The following RPS6KL1 variants were observed in gnomAD, a reference collection of about 807,000 sequenced individuals.
RPS6KL1 encodes the protein ribosomal protein S6 kinase like 1.
Under a neutral mutation model 57.0 loss-of-function variants are expected in RPS6KL1, and 41 were observed. That is an observed-to-expected ratio of 0.72 (90% CI 0.56 to 0.93). The LOEUF is 0.93. RPS6KL1 is among the 40% of genes least tolerant of loss of function. The pLI, the probability that RPS6KL1 is intolerant of heterozygous loss-of-function variation, is 0.00. For synonymous variants in RPS6KL1, 287 were observed against 309.7 expected, an observed-to-expected ratio of 0.93 and a Z score of 0.77; for missense variants, 697 against 727.7, an observed-to-expected ratio of 0.96 and a Z score of 0.49.
In RPS6KL1 at chr14:74,908,860, A is replaced by G; in HGVS notation, c.1433T>C (p.Leu478Pro). 6.2e-7 allele frequency: 1 copy of G among 1,614,144 alleles called. No homozygotes were observed. Among genetic ancestry groups the G allele is most frequent in the Middle Eastern group, 1.6e-4 (1 of 6,062 alleles). Residue 478 changes from leucine to proline, a missense_variant, in exon 10 of 12, where the codon CTG (leucine) becomes CCG (proline). Transcript: ENST00000557413. ...WSFGSLLYELLTGMALSQSHP... is the reference protein window; with the variant it reads ...WSFGSLLYELPTGMALSQSHP... ...AGCCCAGCCACTCACCATTCCCGTCAGCAGTTCATACAGTAGAGACCCAAA... is the reference window on the plus strand; with the variant it reads ...AGCCCAGCCACTCACCATTCCCGTCGGCAGTTCATACAGTAGAGACCCAAA...
Position 74,919,940 on chromosome 14 carries a change from C to T in RPS6KL1, c.295G>A (p.Val99Met), listed in dbSNP as rs1430465916. 2 of 1,614,218 alleles carry T rather than the reference C, an allele frequency of 1.2e-6. No individual in the cohort carries two copies. The highest frequency in any genetic ancestry group is 1.1e-5 in the South Asian group (1 of 91,088). Residue 99 changes from valine (V) to methionine (M), a missense_variant, in exon 4 of 12, where the codon GTG becomes ATG. Physicochemically the swap from Val to Met is conservative, Grantham distance 21. Coordinates refer to ENST00000557413, the MANE Select transcript of RPS6KL1 (RefSeq NM_031464.5). ...AGGTATTTGGTAATTTTCAGCTTCA[C>T]AGCCTCACGTCGCTCCTTGTTGGGG... Reference protein sequence around the residue: ...VDPNKERREAVKLKITKYLRR... With the variant: ...VDPNKERREAMKLKITKYLRR...
chr14:74,913,593 A>G (rs186011927), intron 5 of RPS6KL1, among the ~76,000 whole-genome samples: 116 of 152,272 alleles, frequency 7.6e-4, no homozygotes, highest in South Asian at 1.9e-3. Context: ...AAAAACCAAG[A>G]AAGCCCTTGG....
chr14:74,907,377 C>G, intron 11 of RPS6KL1, 58 bp downstream of exon 11: 1 of 1,534,298 alleles, frequency 6.5e-7, no homozygotes, highest in Non-Finnish European at 8.8e-7. Flanking sequence ...GTTCTGTGCC[C>G]CTCCCAGCAC....
chr14:74,910,463 G>A lies in RPS6KL1; in HGVS notation c.665-315C>T, dbSNP rs114533763. 4.9e-3 allele frequency: 1,184 copies of A among 239,474 alleles called. 17 individuals are homozygous for A. The highest frequency in any genetic ancestry group is 0.025 in the African/African-American group (1,118 of 44,588). 14.8% of individuals were successfully genotyped at this position (239,474 alleles called of 1,614,324 possible). Reference sequence around the variant, plus strand: ...TGTGAACACTGTTTTTAGGGAGACCGATATAAAGAAATTTAAAGAAAAGTC... The same window carrying A: ...TGTGAACACTGTTTTTAGGGAGACCAATATAAAGAAATTTAAAGAAAAGTC... On this transcript the variant is annotated intron_variant, in intron 7 of 11. Coordinates refer to ENST00000557413, the MANE Select transcript of RPS6KL1 (RefSeq NM_031464.5).
At chr14:74,914,331 A>G (rs1214821043) in intron 5 of RPS6KL1, among the ~76,000 whole-genome samples, 1 of 152,150 alleles carries the variant, frequency 6.6e-6, no homozygotes, top group Non-Finnish European at 1.5e-5. Flanking sequence ...ATAATTCCCC[A>G]CTGTCCCTTG....
chr14:74,923,130 G>A (rs11625594), intron 1 of RPS6KL1, 50 bp downstream of exon 1: 44,549 of 152,094 alleles, frequency 0.29, 7,868 homozygotes, highest in East Asian at 0.55. Flanking sequence ...GACGGCCGAG[G>A]GGGCCCCTCG....
At chr14:74,907,374 G>A (rs771607068) in intron 11 of RPS6KL1, 61 bp downstream of exon 11, 12 of 1,532,594 alleles carry the variant, frequency 7.8e-6, no homozygotes, top group African/African-American at 1.4e-5. Context: ...ACAGTTCTGT[G>A]CCCCTCCCAG....
chr14:74,913,146 G>A (rs1886303572), intron 5 of RPS6KL1, among the ~76,000 whole-genome samples: 1 of 152,378 alleles, frequency 6.6e-6, no homozygotes, highest in African/African-American at 2.4e-5. Context: ...ATCAGGGTAG[G>A]GGAAGGGGCA....
chr14:74,909,529 A>C lies in RPS6KL1; in HGVS notation c.1270+14T>G, dbSNP rs148616967. 0.015 allele frequency: 23,742 copies of C among 1,577,008 alleles called. 229 individuals carry two copies. Among genetic ancestry groups the C allele is most frequent in the Non-Finnish European group, 0.017 (20,152 of 1,160,790 alleles). ...TTGGGGGCCACCCCACTGAGGGGTG[A>C]GGAGGGCACCTACCTGCCTGGTCCA... On this transcript the variant is annotated intron_variant, in intron 8 of 11. Coordinates refer to ENST00000557413, the MANE Select transcript of RPS6KL1 (RefSeq NM_031464.5).
chr14:74,914,724 T>C (rs1886566057), intron 5 of RPS6KL1, among the ~76,000 whole-genome samples: 1 of 152,218 alleles, frequency 6.6e-6, no homozygotes, highest in African/African-American at 2.4e-5. Flanking sequence ...TATTATTTAT[T>C]TTTTTGAGAC....
At chr14:74,914,792 A>T (rs1886575194) in intron 5 of RPS6KL1, among the ~76,000 whole-genome samples, 1 of 152,192 alleles carries the variant, frequency 6.6e-6, no homozygotes, top group South Asian at 2.1e-4. Context: ...AGCTCACTGC[A>T]ATCTCTGCCT....
At chr14:74,910,367 TACAA>T in intron 7 of RPS6KL1, 5 of 431,152 alleles carry the variant, frequency 1.2e-5, no homozygotes, top group South Asian at 7.3e-5. Context: ...GGCCCAGCCT[TACAA>T]ACTGGCACAC....
intron 7 of RPS6KL1, chr14:74,910,889 T>TTTAGG: frequency 5.9e-6 from 1 of 168,316 alleles, no homozygotes; most frequent in Non-Finnish European, 1.3e-5. Context: ...TTTTTTTTTT[T>TTTAGG]GAGGCGGAGT....
intron 10 of RPS6KL1, 65 bp downstream of exon 10, chr14:74,908,785 T>A (rs1885355351): frequency 7.0e-7 from 1 of 1,424,360 alleles, no homozygotes; most frequent in Non-Finnish European, 9.9e-7. Flanking sequence ...CTGGATGGAC[T>A]AAGCCTGGCC....
chr14:74,921,777 CT>C (rs57626529), intron 2 of RPS6KL1, 200 bp downstream of exon 2: 31,586 of 822,154 alleles, frequency 0.038, 1 homozygote, highest in South Asian at 0.053. Flanking sequence ...GTTTTCTTTT[CT>C]TTTTTTTTTT....
At chr14:74,911,955 G>T in intron 5 of RPS6KL1, 114 bp from the exon 6 acceptor site, 1 of 808,720 alleles carries the variant, frequency 1.2e-6, no homozygotes, top group Non-Finnish European at 2.0e-6. Flanking sequence ...TCCAGTGGCA[G>T]GGCAGGGAGG....
At chr14:74,921,238 T>TGGCCCC in intron 3 of RPS6KL1, 39 bp downstream of exon 3, 10 of 840,164 alleles carry the variant, frequency 1.2e-5, no homozygotes, top group Non-Finnish European at 2.0e-5. Context: ...CACTGGCCCT[T>TGGCCCC]CCCCACCCAC....
At position 74,919,872 on chromosome 14, in the gene RPS6KL1, C is replaced by A. The variant is rs145794660; in HGVS notation, c.363G>T (p.Pro121=). 5.0e-6 allele frequency: 8 copies of A among 1,613,480 alleles called. No homozygotes were observed. Among genetic ancestry groups the A allele is most frequent in the Non-Finnish European group, 5.1e-6 (6 of 1,179,936 alleles). ...CGCTGGGGCTGGCTCCACTGCTCAG[C>A]GGCCGCTGCAGGTGGCAGTTGAAGA... ...EEIFNCHLQR[P]LSSGASPSAG... is the part of the protein sequence containing the mutation. The change falls in exon 4 of 12, where the codon CCG becomes CCT. Residue 121 remains proline, a synonymous_variant. Transcript: ENST00000557413.
rs11458661 is a variant in RPS6KL1, at chr14:74,921,780, T to TC, written c.-21+197_-21+198insG. 2,007 of 1,128,996 alleles carry TC rather than the reference T, an allele frequency of 1.8e-3. 20 individuals carry two copies. The African/African-American group carries it at 0.032, about 18-fold the overall frequency. The allele number at this position is 1,128,996 out of a possible 1,614,324, so 69.9% of individuals were successfully genotyped here. ...GCTCAGGATTCTGTTTTCTTTTCTT[T>TC]TTTTTTTTTTTTTTTGAGTCAGAGT... is the stretch of plus-strand genomic sequence containing the variant. On this transcript the variant is annotated intron_variant, in intron 2 of 11. Coordinates refer to ENST00000557413, the MANE Select transcript of RPS6KL1 (RefSeq NM_031464.5).
Sources: gnomAD v4.1 joint callset for allele counts (sites outside exome capture counted in the v4.1 genomes callset) on GRCh38, gnomAD v4.1.1 for gene constraint, MANE v1.5 for transcripts, NCBI Gene and HGNC (gene_info 2026-07-23, HGNC 2026-07-21) for gene names.